ALPL: variants seen among roughly 807,000 people sequenced by gnomAD.
ALPL encodes alkaline phosphatase, biomineralization associated, also known as alkaline phosphatase, tissue-nonspecific isozyme.
In ALPL, 42 loss-of-function variants were observed where a neutral mutation model predicts 51.3. That is an observed-to-expected ratio of 0.82 (90% CI 0.64 to 1.06). ALPL has a LOEUF of 1.06. Among genes scored for constraint, ALPL ranks in the 50% least tolerant of loss-of-function variants. The probability of loss-of-function intolerance (pLI) is 0.00; values close to 1 mark genes in which losing one functional copy is unlikely to be tolerated. For missense variants in ALPL, 589 were observed against 709.4 expected, an observed-to-expected ratio of 0.83 and a Z score of 1.93; for synonymous variants, 279 against 296.4, an observed-to-expected ratio of 0.94 and a Z score of 0.60.
intron 1 of ALPL, among the ~76,000 whole-genome samples, chr1:21,533,735 A>G (rs947004397): frequency 2.0e-5 from 3 of 152,042 alleles, no homozygotes; most frequent in African/African-American, 7.2e-5. Context: ...AGCCTGGCCA[A>G]CATGGTGAAA....
intron 1 of ALPL, among the ~76,000 whole-genome samples, chr1:21,514,907 TA>T (rs1643764824): frequency 6.6e-6 from 1 of 152,088 alleles, no homozygotes; most frequent in African/African-American, 2.4e-5. Context: ...ACCTTAGGAT[TA>T]CTCCTCCCCT....
Position 21,577,822 on chromosome 1 carries a change from A to T in ALPL, c.*174A>T. 1.1e-6 allele frequency: 1 copy of T among 892,486 alleles called. No individual in the cohort carries two copies. Among genetic ancestry groups the T allele is most frequent in the South Asian group, 1.8e-5 (1 of 57,098 alleles). The allele number at this position is 892,486 out of a possible 1,614,324, so 55.3% of individuals were successfully genotyped here. A position where few individuals can be genotyped will look rare whatever the true frequency, so the allele number is the denominator to read the frequency against. On this transcript the variant is annotated 3_prime_UTR_variant, in exon 12 of 12. Coordinates refer to ENST00000374840, the MANE Select transcript of ALPL (RefSeq NM_000478.6). ...CTCGCTCCCCTCTGGAATCTTCCCC[A>T]AGGGCCAAACCCACTTCTGGCCTCC...
At chr1:21,563,801 C>T (rs1308661902) in intron 5 of ALPL, among the ~76,000 whole-genome samples, 1 of 152,188 alleles carries the variant, frequency 6.6e-6, no homozygotes, top group Non-Finnish European at 1.5e-5. Context: ...AGCCCAGGTG[C>T]TCACATCTCA....
chr1:21,563,046 G>T, intron 4 of ALPL, 64 bp from the exon 5 acceptor site: 1 of 1,595,834 alleles, frequency 6.3e-7, no homozygotes, highest in Non-Finnish European at 8.6e-7. Flanking sequence ...TGTGAGTGTA[G>T]GCGGGGTGGG....
intron 1 of ALPL, among the ~76,000 whole-genome samples, chr1:21,550,273 G>T (rs1194411144): frequency 6.6e-6 from 1 of 152,168 alleles, no homozygotes; most frequent in African/African-American, 2.4e-5. Flanking sequence ...CCTCTGGAGG[G>T]GGTGACTGAT....
At chr1:21,563,440 C>A (rs1193570612) in intron 5 of ALPL, among the ~76,000 whole-genome samples, 156 bp downstream of exon 5, 1 of 152,126 alleles carries the variant, frequency 6.6e-6, no homozygotes. Flanking sequence ...GGGATTCCTT[C>A]CGTGACAGGG....
chr1:21,568,831 C>A (rs4654759), intron 7 of ALPL, among the ~76,000 whole-genome samples: 27,828 of 151,706 alleles, frequency 0.18, 3,123 homozygotes, highest in East Asian at 0.45. Flanking sequence ...GGCTGGAGGA[C>A]GGAATAGATT....
At position 21,576,720 on chromosome 1, in the gene ALPL, T is replaced by C. The variant is rs374423325; in HGVS notation, c.1309+79T>C. The C allele has an allele frequency of 6.9e-5, 110 of 1,589,632 alleles. No individual in the cohort carries two copies. The East Asian group carries it at 1.7e-3, about 25-fold the overall frequency. On this transcript the variant is annotated intron_variant, in intron 11 of 11. Transcript: ENST00000374840. Reference sequence around the variant, plus strand: ...GGCTTGGGAATAGGGTGTCAGCTTGTGGTCAAGGTCAGGGGTCTCAGAATG... The same window carrying C: ...GGCTTGGGAATAGGGTGTCAGCTTGCGGTCAAGGTCAGGGGTCTCAGAATG...
intron 2 of ALPL, among the ~76,000 whole-genome samples, chr1:21,554,841 C>CT (rs1644386268): frequency 7.4e-6 from 1 of 135,580 alleles, no homozygotes; most frequent in Non-Finnish European, 1.6e-5. Flanking sequence ...TTCTTTCTTT[C>CT]TTTCTTTCTT....
intron 1 of ALPL, among the ~76,000 whole-genome samples, chr1:21,524,195 G>T (rs1643913053): frequency 6.6e-6 from 1 of 151,884 alleles, no homozygotes; most frequent in Admixed American, 6.6e-5. Context: ...GTAGAGACGG[G>T]GTTTCACCAT....
At chr1:21,549,071 T>A (rs868364542) in intron 1 of ALPL, among the ~76,000 whole-genome samples, 2 of 152,214 alleles carry the variant, frequency 1.3e-5, no homozygotes, top group African/African-American at 4.8e-5. Flanking sequence ...CATAAGCCAG[T>A]GTTAAAAGGA....
At chr1:21,548,043 C>T (rs899837784) in intron 1 of ALPL, among the ~76,000 whole-genome samples, 3 of 152,200 alleles carry the variant, frequency 2.0e-5, no homozygotes, top group South Asian at 4.1e-4. Flanking sequence ...ACAGCCTAGC[C>T]GGGGCTTCTG....
intron 1 of ALPL, among the ~76,000 whole-genome samples, chr1:21,515,177 T>C (rs1256932835): frequency 2.0e-5 from 3 of 152,212 alleles, no homozygotes; most frequent in Non-Finnish European, 4.4e-5. Flanking sequence ...AAATATTTTA[T>C]GTTCTTTAAA....
chr1:21,546,658 G>T (rs1644257468), intron 1 of ALPL, among the ~76,000 whole-genome samples: 1 of 152,220 alleles, frequency 6.6e-6, no homozygotes, highest in Admixed American at 6.5e-5. Context: ...GCCTGGCAGG[G>T]CTTCACTAAA....
intron 8 of ALPL, among the ~76,000 whole-genome samples, chr1:21,571,380 G>A (rs1169025509): frequency 1.3e-5 from 2 of 152,164 alleles, no homozygotes; most frequent in African/African-American, 2.4e-5. Flanking sequence ...TCAAAACTTA[G>A]GCCAGGTGCA....
At chr1:21,561,040 C>A in intron 3 of ALPL, 57 bp from the exon 4 acceptor site, 1 of 1,486,040 alleles carries the variant, frequency 6.7e-7, no homozygotes, top group Non-Finnish European at 9.2e-7. Flanking sequence ...GGTACCCAAG[C>A]AGGCTGATTG....
intron 1 of ALPL, among the ~76,000 whole-genome samples, chr1:21,528,590 T>C (rs1643985135): frequency 6.6e-6 from 1 of 151,736 alleles, no homozygotes; most frequent in Non-Finnish European, 1.5e-5. Flanking sequence ...GACCTTGTGA[T>C]CCACCCACCT....
intron 1 of ALPL, among the ~76,000 whole-genome samples, chr1:21,550,219 C>T (rs1335701023): frequency 6.6e-6 from 1 of 152,134 alleles, no homozygotes; most frequent in Non-Finnish European, 1.5e-5. Context: ...ATGTGTCAAA[C>T]GTCAGAACAC....
intron 1 of ALPL, among the ~76,000 whole-genome samples, chr1:21,551,069 C>A (rs114892635): frequency 0.015 from 2,300 of 152,304 alleles, 52 homozygotes; most frequent in African/African-American, 0.051. Context: ...CTGTGCCTGT[C>A]TGCACTCCAC....
Sources: allele counts gnomAD v4.1 joint callset (sites outside exome capture counted in the v4.1 genomes callset), GRCh38; gene constraint gnomAD v4.1.1; transcripts MANE v1.5; gene names NCBI Gene and HGNC (gene_info 2026-07-23, HGNC 2026-07-21).